ALK: variants seen among roughly 807,000 people sequenced by gnomAD.
ALK encodes the protein ALK receptor tyrosine kinase.
ALK carries 74 observed loss-of-function variants against 163.1 expected under a neutral mutation model. The ratio of observed to expected loss-of-function variants is 0.45; its 90% CI spans 0.38 to 0.55. The LOEUF is 0.55. ALK is among the 20% of genes least tolerant of loss of function. ALK has a pLI of 0.00. For missense variants in ALK, 2,063 were observed against 2,105.3 expected, an observed-to-expected ratio of 0.98 and a Z score of 0.39; for synonymous variants, 960 against 843.2, an observed-to-expected ratio of 1.14 and a Z score of -2.40.
chr2:29,582,995 T>C (rs1674759378), intron 3 of ALK, among the ~76,000 whole-genome samples: 1 of 151,568 alleles, frequency 6.6e-6, no homozygotes, highest in Non-Finnish European at 1.5e-5. Context: ...CCCAAGTAGC[T>C]GGGACTACAG....
intron 25 of ALK, among the ~76,000 whole-genome samples, chr2:29,209,247 G>A (rs957528710): frequency 2.6e-5 from 4 of 152,108 alleles, no homozygotes; most frequent in Non-Finnish European, 5.9e-5. Context: ...ACCTAATTAA[G>A]AACTTGGTGT....
At chr2:29,574,195 G>C (rs1348814428) in intron 3 of ALK, among the ~76,000 whole-genome samples, 1 of 152,232 alleles carries the variant, frequency 6.6e-6, no homozygotes, top group Non-Finnish European at 1.5e-5. Context: ...CAGCAGATCT[G>C]TGTTTGGATC....
At chr2:29,795,725 T>C (rs947326868) in intron 1 of ALK, among the ~76,000 whole-genome samples, 2 of 152,172 alleles carry the variant, frequency 1.3e-5, no homozygotes, top group African/African-American at 2.4e-5. Context: ...ATGAATCAAC[T>C]CTAGTCTTTA....
chr2:29,736,948 T>C (rs959258088), intron 1 of ALK, among the ~76,000 whole-genome samples: 14 of 152,098 alleles, frequency 9.2e-5, no homozygotes, highest in African/African-American at 3.4e-4. Context: ...CACAAATACT[T>C]AGACCCAGTG....
chr2:29,704,659 TCTC>T (rs1428440977), intron 2 of ALK, among the ~76,000 whole-genome samples: 1 of 152,182 alleles, frequency 6.6e-6, no homozygotes, highest in African/African-American at 2.4e-5. Context: ...TTTTGGGTTG[TCTC>T]CTCCTGCATG....
intron 3 of ALK, among the ~76,000 whole-genome samples, chr2:29,638,043 C>T (rs1327520543): frequency 6.6e-6 from 1 of 151,922 alleles, no homozygotes; most frequent in African/African-American, 2.4e-5. Context: ...CAGATCAGAG[C>T]TTTTTAGAGG....
intron 4 of ALK, among the ~76,000 whole-genome samples, chr2:29,474,056 AC>A (rs1012722934): frequency 2.6e-5 from 4 of 152,214 alleles, no homozygotes; most frequent in African/African-American, 7.2e-5. Context: ...ACACATTTTT[AC>A]CCTCCTAAGT....
chr2:29,200,764 TATATA>T (rs1558608754), intron 26 of ALK, among the ~76,000 whole-genome samples: 42 of 128,158 alleles, frequency 3.3e-4, no homozygotes, highest in East Asian at 2.7e-3. Flanking sequence ...TATATATGTA[TATATA>T]TACGTATATA....
intron 2 of ALK, among the ~76,000 whole-genome samples, chr2:29,702,882 T>C (rs1159187337): frequency 1.3e-5 from 2 of 152,182 alleles, no homozygotes. Context: ...TCCCATGACA[T>C]GTAGGGATTA....
intron 4 of ALK, among the ~76,000 whole-genome samples, chr2:29,394,318 GAAAA>G (rs35815977): frequency 3.6e-5 from 5 of 137,172 alleles, no homozygotes; most frequent in Non-Finnish European, 7.9e-5. Flanking sequence ...ATCCAGACCA[GAAAA>G]AAAAAAAAGA....
chr2:29,801,530 C>A (rs529840109), intron 1 of ALK, among the ~76,000 whole-genome samples: 5 of 152,206 alleles, frequency 3.3e-5, no homozygotes, highest in South Asian at 2.1e-4. Flanking sequence ...TATTGCTGCA[C>A]GACTTTCAGC....
At chr2:29,789,899 T>C (rs7571155) in intron 1 of ALK, among the ~76,000 whole-genome samples, 19,744 of 152,174 alleles carry the variant, frequency 0.13, 3,709 homozygotes, top group African/African-American at 0.42. Context: ...CAGGCCTCAG[T>C]TTCCTGTTTA....
chr2:29,192,914 C>A lies in ALK; in HGVS notation c.*310G>T. On this transcript the variant is annotated 3_prime_UTR_variant, in exon 29 of 29. Coordinates refer to ENST00000389048, the MANE Select transcript of ALK (RefSeq NM_004304.5). ...TAATTCTGACTACATTGAAGCAGAG[C>A]ACACACAATTTGAAAGAAGCATAAG... 1 of 449,318 alleles carries A rather than the reference C, an allele frequency of 2.2e-6. No homozygotes were observed. The highest frequency in any genetic ancestry group is 4.1e-6 in the Non-Finnish European group (1 of 241,718). 27.8% of individuals were successfully genotyped at this position (449,318 alleles called of 1,614,324 possible). A position where few individuals can be genotyped will look rare whatever the true frequency, so the allele number is the denominator to read the frequency against.
chr2:29,321,941 T>C (rs907697898), intron 6 of ALK, among the ~76,000 whole-genome samples: 2 of 152,164 alleles, frequency 1.3e-5, no homozygotes, highest in African/African-American at 4.8e-5. Flanking sequence ...ATTTCCCAAC[T>C]GCCCACAGAA....
intron 4 of ALK, among the ~76,000 whole-genome samples, chr2:29,400,214 A>G (rs1004571878): frequency 2.6e-5 from 4 of 152,216 alleles, no homozygotes; most frequent in African/African-American, 9.7e-5. Context: ...GAGCATGCGC[A>G]TATACTCCTG....
At chr2:29,616,901 A>G (rs187900997) in intron 3 of ALK, among the ~76,000 whole-genome samples, 2 of 152,260 alleles carry the variant, frequency 1.3e-5, no homozygotes, top group East Asian at 3.9e-4. Context: ...CCCCAAAGTG[A>G]ACATGGGATG....
At chr2:29,240,802 GTC>G (rs1664504103) in intron 12 of ALK, among the ~76,000 whole-genome samples, 1 of 152,156 alleles carries the variant, frequency 6.6e-6, no homozygotes, top group South Asian at 2.1e-4. Flanking sequence ...TAACAAATGT[GTC>G]CCCAGGGACC....
chr2:29,677,781 G>T (rs939560060), intron 3 of ALK, among the ~76,000 whole-genome samples: 1 of 151,986 alleles, frequency 6.6e-6, no homozygotes, highest in Non-Finnish European at 1.5e-5. Context: ...TTAGGATCAG[G>T]GGAATAGTGA....
intron 5 of ALK, among the ~76,000 whole-genome samples, chr2:29,364,259 A>G (rs1026003981): frequency 2.0e-5 from 3 of 152,210 alleles, no homozygotes; most frequent in Non-Finnish European, 4.4e-5. Context: ...AACACCTGGA[A>G]TGGCTGAGAG....
Sources: gnomAD v4.1 joint callset for allele counts (sites outside exome capture counted in the v4.1 genomes callset) on GRCh38, gnomAD v4.1.1 for gene constraint, MANE v1.5 for transcripts, NCBI Gene and HGNC (gene_info 2026-07-23, HGNC 2026-07-21) for gene names.